KCNQ5: variants seen among roughly 807,000 people sequenced by gnomAD.
KCNQ5 encodes potassium voltage-gated channel subfamily KQT member 5.
A neutral mutation model predicts 98.2 loss-of-function variants in KCNQ5; 30 were observed. The ratio of observed to expected loss-of-function variants is 0.31; its 90% CI spans 0.23 to 0.41. KCNQ5 has a LOEUF of 0.41. Ranked by LOEUF, KCNQ5 falls within the 10% of genes least tolerant of loss-of-function variation. The probability of loss-of-function intolerance (pLI) is 1.00; values close to 1 mark genes in which losing one functional copy is unlikely to be tolerated. For missense variants in KCNQ5, 835 were observed against 1,182.5 expected (o/e 0.71, Z 4.31); for synonymous variants, 458 against 449.4 (o/e 1.02, Z -0.24).
chr6:73,109,403 G>T (rs567513385), intron 6 of KCNQ5, among the ~76,000 whole-genome samples: 1 of 152,088 alleles, frequency 6.6e-6, no homozygotes, highest in East Asian at 1.9e-4. Flanking sequence ...CATACAAGTG[G>T]ATTATACACA....
chr6:72,753,801 T>C (rs72937555), intron 1 of KCNQ5, among the ~76,000 whole-genome samples: 19,643 of 152,162 alleles, frequency 0.13, 1,392 homozygotes, highest in South Asian at 0.17. Context: ...TATTGAATTG[T>C]AAGAGCTCTT....
chr6:72,955,392 A>C (rs1247605083), intron 1 of KCNQ5, among the ~76,000 whole-genome samples: 1 of 152,216 alleles, frequency 6.6e-6, no homozygotes, highest in Non-Finnish European at 1.5e-5. Flanking sequence ...TTAAATAAAA[A>C]ATTGAACAAC....
At chr6:72,850,327 G>T (rs910793332) in intron 1 of KCNQ5, among the ~76,000 whole-genome samples, 1 of 152,140 alleles carries the variant, frequency 6.6e-6, no homozygotes, top group Non-Finnish European at 1.5e-5. Flanking sequence ...CAGTTGGCAC[G>T]ATCTATAATG....
At chr6:72,863,858 C>A (rs1450310919) in intron 1 of KCNQ5, among the ~76,000 whole-genome samples, 1 of 152,136 alleles carries the variant, frequency 6.6e-6, no homozygotes, top group Non-Finnish European at 1.5e-5. Flanking sequence ...ATTTATGTTA[C>A]ACAAATAATT....
chr6:72,959,148 GAATATGCATCAATAAGCAGAAT>G (rs1767220061), intron 1 of KCNQ5, among the ~76,000 whole-genome samples: 2 of 152,186 alleles, frequency 1.3e-5, no homozygotes, highest in Non-Finnish European at 2.9e-5. Context: ...TTATGAGGCA[GAATATGCATCAATAAGCAGAAT>G]AAAATGCATT....
chr6:72,934,131 C>A (rs1403837621), intron 1 of KCNQ5, among the ~76,000 whole-genome samples: 1 of 152,120 alleles, frequency 6.6e-6, no homozygotes, highest in African/African-American at 2.4e-5. Context: ...GCATGAAGAT[C>A]CTACTTTAGC....
At chr6:73,157,099 A>G (rs1320013276) in intron 10 of KCNQ5, among the ~76,000 whole-genome samples, 7 of 152,232 alleles carry the variant, frequency 4.6e-5, no homozygotes, top group African/African-American at 1.7e-4. Context: ...GCGTGAAAAC[A>G]AACTGTACAC....
chr6:73,186,848 T>G (rs1333603633), intron 11 of KCNQ5, among the ~76,000 whole-genome samples: 1 of 152,152 alleles, frequency 6.6e-6, no homozygotes, highest in Non-Finnish European at 1.5e-5. Flanking sequence ...ATGTACAGTT[T>G]TGTTACATAG....
At position 73,028,525 on chromosome 6, in the gene KCNQ5, G is replaced by A. The variant is rs71573578; in HGVS notation, c.490-13411G>A. ...GGCTGTAAATTTACTTCCTGTGCAC[G>A]TTGCTCTAGGACTTCTTTTATCTAG... On this transcript the variant is annotated intron_variant, in intron 2 of 13. Coordinates refer to ENST00000370398, the MANE Select transcript of KCNQ5 (RefSeq NM_019842.4). 5.5e-3 allele frequency among the ~76,000 whole-genome samples: 831 copies of A among 152,212 alleles called. 5 individuals are homozygous for A. Among genetic ancestry groups the A allele is most frequent in the Non-Finnish European group, 9.5e-3 (643 of 68,012 alleles).
At chr6:73,101,055 C>A (rs1243203569) in intron 5 of KCNQ5, among the ~76,000 whole-genome samples, 3 of 152,098 alleles carry the variant, frequency 2.0e-5, no homozygotes, top group Non-Finnish European at 2.9e-5. Flanking sequence ...TTCTACCAAA[C>A]AATGAAAGAA....
chr6:73,133,924 AG>A, intron 10 of KCNQ5: 1 of 552,640 alleles, frequency 1.8e-6, no homozygotes, highest in Non-Finnish European at 3.6e-6. Context: ...TTCTCAGACA[AG>A]GGCCACATTA....
intron 1 of KCNQ5, among the ~76,000 whole-genome samples, chr6:72,884,421 GTCA>G (rs1778773748): frequency 6.6e-6 from 1 of 152,074 alleles, no homozygotes. Context: ...AAAGAAAGAA[GTCA>G]TCATAATAGA....
chr6:72,838,154 C>G (rs147042042), intron 1 of KCNQ5, among the ~76,000 whole-genome samples: 90 of 129,224 alleles, frequency 7.0e-4, no homozygotes, highest in African/African-American at 2.5e-3. Context: ...ATAGCTCTTT[C>G]ACGGTTTCTT....
At chr6:73,021,324 A>G (rs73753226) in intron 2 of KCNQ5, among the ~76,000 whole-genome samples, 6,890 of 152,292 alleles carry the variant, frequency 0.045, 335 homozygotes, top group African/African-American at 0.13. Context: ...TGTATTTCCT[A>G]GTATGTATCA....
At chr6:73,075,821 A>T (rs1773514132) in intron 3 of KCNQ5, among the ~76,000 whole-genome samples, 1 of 152,156 alleles carries the variant, frequency 6.6e-6, no homozygotes, top group South Asian at 2.1e-4. Context: ...AGGCTGGCAG[A>T]TGATGTGAGC....
intron 2 of KCNQ5, among the ~76,000 whole-genome samples, chr6:73,031,526 CTT>C (rs1771146534): frequency 6.6e-6 from 1 of 152,186 alleles, no homozygotes; most frequent in African/African-American, 2.4e-5. Flanking sequence ...CTGAAGGAAA[CTT>C]CAACAAACAT....
At chr6:72,635,921 AG>A (rs1280974629) in intron 1 of KCNQ5, among the ~76,000 whole-genome samples, 1 of 151,936 alleles carries the variant, frequency 6.6e-6, no homozygotes, top group East Asian at 1.9e-4. Flanking sequence ...TAGAAATATA[AG>A]GGGAGAACCC....
intron 2 of KCNQ5, among the ~76,000 whole-genome samples, chr6:73,024,153 G>A (rs947726869): frequency 3.2e-4 from 48 of 152,088 alleles, no homozygotes; most frequent in African/African-American, 1.1e-3. Context: ...TGAACTGTAA[G>A]CAGTCAGTCC....
At chr6:72,837,241 CTT>C (rs776382641) in intron 1 of KCNQ5, among the ~76,000 whole-genome samples, 3 of 152,164 alleles carry the variant, frequency 2.0e-5, no homozygotes, top group Non-Finnish European at 4.4e-5. Context: ...TTATTGAACA[CTT>C]AATATGCTCC....
Sources: gnomAD v4.1 joint callset for allele counts (sites outside exome capture counted in the v4.1 genomes callset) on GRCh38, gnomAD v4.1.1 for gene constraint, MANE v1.5 for transcripts, NCBI Gene and HGNC (gene_info 2026-07-23, HGNC 2026-07-21) for gene names.